Variants in TMEM260 observed in about 807,000 individuals in gnomAD.
TMEM260 encodes transmembrane protein 260.
Under a neutral mutation model 88.9 loss-of-function variants are expected in TMEM260, and 82 were observed. That is an observed-to-expected ratio of 0.92 (90% CI 0.77 to 1.11). The LOEUF (loss-of-function observed/expected upper bound fraction) is 1.11, where lower values mean the gene tolerates loss of function less well. TMEM260 is among the 50% of genes least tolerant of loss of function. TMEM260 has a pLI of 0.00. For synonymous variants in TMEM260, 314 were observed against 309.3 expected, an observed-to-expected ratio of 1.02 and a Z score of -0.16; for missense variants, 902 against 853.4, an observed-to-expected ratio of 1.06 and a Z score of -0.71.
chr14:56,601,164 A>AAATAG (rs745713285), intron 3 of TMEM260, among the ~76,000 whole-genome samples: 31 of 152,308 alleles, frequency 2.0e-4, no homozygotes, highest in African/African-American at 6.7e-4. Flanking sequence ...AAACCTTATG[A>AAATAG]AATATTTGAA....
chr14:56,647,253 A>G lies in TMEM260; in HGVS notation c.1880A>G (p.Glu627Gly). The change falls in exon 16 of 16, where the codon GAG (glutamate) becomes GGG (glycine). Residue 627 changes from glutamate to glycine, a missense_variant. Coordinates refer to ENST00000261556, the MANE Select transcript of TMEM260 (RefSeq NM_017799.4). ...TCTGCTGTTTTCTAGCTTTATAAGGAGATTGTCTATTTACAAAAGGAGCAC... is the reference window on the plus strand; with the variant it reads ...TCTGCTGTTTTCTAGCTTTATAAGGGGATTGTCTATTTACAAAAGGAGCAC... ...LYAQAYDLYK[E>G]IVYLQKEHPV... The G allele has an allele frequency of 6.2e-7, 1 of 1,612,634 alleles. No individual in the cohort carries two copies. Among genetic ancestry groups the G allele is most frequent in the East Asian group, 2.2e-5 (1 of 44,778 alleles).
intron 7 of TMEM260, among the ~76,000 whole-genome samples, chr14:56,614,649 C>T (rs1887493146): frequency 1.3e-5 from 2 of 152,152 alleles, no homozygotes; most frequent in Admixed American, 1.3e-4. Flanking sequence ...TAAAGGCCTC[C>T]TTTACATTAA....
At chr14:56,629,257 T>C (rs574603325) in intron 12 of TMEM260, among the ~76,000 whole-genome samples, 1 of 139,478 alleles carries the variant, frequency 7.2e-6, no homozygotes, top group Admixed American at 7.2e-5. Context: ...CTTGGTAAAG[T>C]TTTTGTTTTT....
intron 10 of TMEM260, 133 bp from the exon 11 acceptor site, chr14:56,621,398 T>C (rs959276259): frequency 1.8e-5 from 11 of 613,422 alleles, no homozygotes; most frequent in African/African-American, 5.6e-5. Flanking sequence ...AATATACATA[T>C]TATTTTAGAA....
intron 15 of TMEM260, among the ~76,000 whole-genome samples, chr14:56,646,000 G>C (rs1424592839): frequency 2.0e-5 from 3 of 152,016 alleles, no homozygotes; most frequent in African/African-American, 7.2e-5. Flanking sequence ...TGCTTTGTGG[G>C]CCAGGCTGGT....
chr14:56,638,805 C>T (rs1033251823), intron 15 of TMEM260, among the ~76,000 whole-genome samples: 11 of 152,026 alleles, frequency 7.2e-5, no homozygotes, highest in South Asian at 2.1e-4. Flanking sequence ...CAGGGCAGGG[C>T]GTAGGCAATG....
chr14:56,657,142 G>A, the TMEM260 span, among the ~76,000 whole-genome samples: 6 of 152,262 alleles, frequency 3.9e-5, no homozygotes, highest in East Asian at 3.9e-4. Flanking sequence ...TTCTGCAGGC[G>A]CTTGGAGGAC....
intron 3 of TMEM260, among the ~76,000 whole-genome samples, chr14:56,593,918 A>G (rs922981478): frequency 6.7e-6 from 1 of 149,304 alleles, no homozygotes; most frequent in Non-Finnish European, 1.5e-5. Flanking sequence ...CGATCTCCTG[A>G]CCTCATGATC....
intron 5 of TMEM260, among the ~76,000 whole-genome samples, chr14:56,607,520 A>G (rs889827438): frequency 6.6e-6 from 1 of 152,182 alleles, no homozygotes; most frequent in Non-Finnish European, 1.5e-5. Flanking sequence ...TCTCACTGGG[A>G]GATGACTGGA....
chr14:56,618,469 CAA>C lies in TMEM260; in HGVS notation c.1057-122_1057-121del, dbSNP rs905625503. ...GGCTTGGATTGGGGAAATCAGTTAA[CAA>C]AACCTGAATGACAACAGGCACACAC... On this transcript the variant is annotated intron_variant, in intron 9 of 15. Transcript: ENST00000261556. 1.0e-5 allele frequency: 9 copies of C among 870,940 alleles called. No individual in the cohort carries two copies. In the African/African-American group the frequency reaches 1.5e-4, roughly 15 times the overall value. The allele number at this position is 870,940 out of a possible 1,614,324, so 54.0% of individuals were successfully genotyped here. A position where few individuals can be genotyped will look rare whatever the true frequency, so the allele number is the denominator to read the frequency against.
At chr14:56,631,076 G>A (rs1043214021) in intron 12 of TMEM260, among the ~76,000 whole-genome samples, 1 of 152,136 alleles carries the variant, frequency 6.6e-6, no homozygotes, top group Non-Finnish European at 1.5e-5. Flanking sequence ...AAGACAGAAG[G>A]AGAGACCAAG....
intron 3 of TMEM260, among the ~76,000 whole-genome samples, chr14:56,595,736 C>A (rs1406672251): frequency 6.6e-6 from 1 of 152,174 alleles, no homozygotes; most frequent in Non-Finnish European, 1.5e-5. Flanking sequence ...GATCCTCTGC[C>A]TCAGCCTTGC....
rs371201607 is a variant in TMEM260, at chr14:56,633,223, C to A, written c.1724+52C>A. On this transcript the variant is annotated intron_variant, in intron 13 of 15. Transcript: ENST00000261556. The stretch of plus-strand genomic sequence containing the variant: ...CATATAAACATAGCAGTTTTGAATA[C>A]CCAAAAAAACTACTACATTTTGAGA... The A allele has an allele frequency of 2.0e-5, 29 of 1,418,232 alleles. No homozygotes were observed. The East Asian group carries it at 4.2e-4, about 21-fold the overall frequency. 87.9% of individuals were successfully genotyped at this position (1,418,232 alleles called of 1,614,324 possible).
At chr14:56,630,288 T>C (rs1888505006) in intron 12 of TMEM260, among the ~76,000 whole-genome samples, 1 of 152,194 alleles carries the variant, frequency 6.6e-6, no homozygotes, top group Non-Finnish European at 1.5e-5. Flanking sequence ...TAAGATTGTA[T>C]CTTTCACAAA....
At chr14:56,580,109 C>T in intron 1 of TMEM260, 35 bp downstream of exon 1, 1 of 1,247,484 alleles carries the variant, frequency 8.0e-7, no homozygotes, top group Non-Finnish European at 1.0e-6. Context: ...TTCTGTCCCT[C>T]TCCCCTGGTC....
chr14:56,603,178 T>TC (rs943719858), intron 3 of TMEM260, among the ~76,000 whole-genome samples: 11 of 152,250 alleles, frequency 7.2e-5, no homozygotes, highest in African/African-American at 2.6e-4. Context: ...ATCTGATTCT[T>TC]CTGGTGTTAT....
intron 15 of TMEM260, chr14:56,638,159 T>C (rs893744586): frequency 1.3e-5 from 2 of 150,904 alleles, no homozygotes; most frequent in African/African-American, 4.9e-5. Context: ...CAAAGGCAGA[T>C]CCCTCCGAGA....
At chr14:56,582,680 A>G (rs1885213711) in intron 1 of TMEM260, among the ~76,000 whole-genome samples, 1 of 152,182 alleles carries the variant, frequency 6.6e-6, no homozygotes, top group African/African-American at 2.4e-5. Context: ...CATTTTTAAA[A>G]AGCAGGTTAA....
At chr14:56,613,709 T>C (rs1188953311) in intron 7 of TMEM260, 2 of 152,062 alleles carry the variant, frequency 1.3e-5, no homozygotes, top group African/African-American at 2.4e-5. Flanking sequence ...GTGAGACTTT[T>C]GTGGCTTTCT....
Sources: allele counts gnomAD v4.1 joint callset (sites outside exome capture counted in the v4.1 genomes callset), GRCh38; gene constraint gnomAD v4.1.1; transcripts MANE v1.5; gene names NCBI Gene and HGNC (gene_info 2026-07-23, HGNC 2026-07-21).